MALRD1: variants seen among roughly 807,000 people sequenced by gnomAD.
MALRD1 encodes the protein MAM and LDL-receptor class A domain-containing protein 1.
Under a neutral mutation model 242.1 loss-of-function variants are expected in MALRD1, and 247 were observed. The ratio of observed to expected loss-of-function variants is 1.02; its 90% CI spans 0.92 to 1.13. MALRD1 has a LOEUF of 1.13. MALRD1 is among the 50% of genes most tolerant of loss of function. The pLI, the probability that MALRD1 is intolerant of heterozygous loss-of-function variation, is 0.00. For missense variants in MALRD1, 2,989 were observed against 2,533.1 expected (o/e 1.18, Z -3.86); for synonymous variants, 995 against 866.6 (o/e 1.15, Z -2.60).
chr10:19,272,939 C>A (rs1273604464), intron 19 of MALRD1, among the ~76,000 whole-genome samples: 1 of 152,130 alleles, frequency 6.6e-6, no homozygotes, highest in African/African-American at 2.4e-5. Context: ...CATTGATGGA[C>A]ATTTGGGTTG....
At chr10:19,393,432 G>A (rs956923916) in intron 28 of MALRD1, among the ~76,000 whole-genome samples, 1 of 144,640 alleles carries the variant, frequency 6.9e-6, no homozygotes, top group African/African-American at 2.6e-5. Context: ...CTTGTTTCCT[G>A]ATGAGGTTAA....
intron 28 of MALRD1, among the ~76,000 whole-genome samples, chr10:19,424,432 T>C (rs1441270869): frequency 6.6e-6 from 1 of 152,208 alleles, no homozygotes; most frequent in African/African-American, 2.4e-5. Context: ...AGTTCTGGGA[T>C]CACAGGCATG....
intron 24 of MALRD1, among the ~76,000 whole-genome samples, chr10:19,344,502 C>G (rs1381844167): frequency 1.3e-5 from 2 of 152,058 alleles, no homozygotes; most frequent in East Asian, 3.9e-4. Context: ...TTCTATTGAT[C>G]TAGGTATCTA....
intron 28 of MALRD1, among the ~76,000 whole-genome samples, chr10:19,396,580 A>G (rs1846590083): frequency 6.6e-6 from 1 of 152,240 alleles, no homozygotes; most frequent in African/African-American, 2.4e-5. Flanking sequence ...ATGTTGAATA[A>G]TCAGGATTAA....
chr10:19,453,264 C>T (rs1340547923), intron 29 of MALRD1, among the ~76,000 whole-genome samples: 2 of 152,082 alleles, frequency 1.3e-5, no homozygotes, highest in African/African-American at 4.8e-5. Flanking sequence ...GATCATAAAA[C>T]ATCCCCACAT....
chr10:19,251,377 G>T (rs1177356972), intron 18 of MALRD1, among the ~76,000 whole-genome samples: 1 of 151,898 alleles, frequency 6.6e-6, no homozygotes. Flanking sequence ...TCTTTCTCTG[G>T]AGGGGAGAAT....
chr10:19,688,209 G>A (rs1413442784), intron 36 of MALRD1, among the ~76,000 whole-genome samples: 1 of 152,120 alleles, frequency 6.6e-6, no homozygotes, highest in Non-Finnish European at 1.5e-5. Flanking sequence ...GATCTCAGAC[G>A]ATGTGCCCGC....
chr10:19,088,536 C>CT lies in MALRD1; in HGVS notation c.597+367dup, dbSNP rs748953378. ...TACTGCTCCAACTTCCTCTTTCTTT[C>CT]TTTTTTTTTTTTTTTTATTTTATAA... On this transcript the variant is annotated intron_variant, in intron 4 of 39. Transcript: ENST00000454679. 5.6e-3 allele frequency among the ~76,000 whole-genome samples: 616 copies of CT among 110,012 alleles called. 12 individuals are homozygous for CT. Among genetic ancestry groups the CT allele is most frequent in the African/African-American group, 0.018 (516 of 29,238 alleles). The allele number at this position is 110,012 out of a possible 152,430, so 72.2% of individuals were successfully genotyped here.
intron 35 of MALRD1, among the ~76,000 whole-genome samples, chr10:19,611,317 T>G (rs943599946): frequency 2.6e-5 from 4 of 151,968 alleles, no homozygotes; most frequent in Non-Finnish European, 5.9e-5. Flanking sequence ...ATATAGCACC[T>G]GTCACTTCCC....
At chr10:19,387,483 G>T in intron 26 of MALRD1, 45 bp from the exon 27 acceptor site, 2 of 1,533,802 alleles carry the variant, frequency 1.3e-6, no homozygotes, top group Non-Finnish European at 1.8e-6. Flanking sequence ...CACTGAATGT[G>T]TTAGGAGTGT....
At chr10:19,224,707 T>A (rs1039276572) in intron 18 of MALRD1, among the ~76,000 whole-genome samples, 3 of 152,202 alleles carry the variant, frequency 2.0e-5, no homozygotes, top group African/African-American at 7.2e-5. Context: ...GTAAATTTGT[T>A]TAAGTTCCTT....
chr10:19,193,770 C>T (rs949379308), intron 14 of MALRD1, among the ~76,000 whole-genome samples: 1 of 151,622 alleles, frequency 6.6e-6, no homozygotes, highest in Non-Finnish European at 1.5e-5. Flanking sequence ...TATTTTGGCT[C>T]TTTAGGTAAT....
intron 5 of MALRD1, among the ~76,000 whole-genome samples, chr10:19,113,830 C>CAGACACACACACACACACACACACAG (rs1836776061): frequency 6.9e-6 from 1 of 144,582 alleles, no homozygotes; most frequent in East Asian, 2.0e-4. Context: ...CACACACACA[C>CAGACACACACACACACACACACACAG]AGACACACAC....
chr10:19,447,795 A>G (rs1429575748), intron 28 of MALRD1, among the ~76,000 whole-genome samples: 1 of 152,188 alleles, frequency 6.6e-6, no homozygotes. Flanking sequence ...TCAAATCACT[A>G]AGACATCACT....
At chr10:19,705,906 C>G (rs887775144) in intron 38 of MALRD1, among the ~76,000 whole-genome samples, 3 of 151,284 alleles carry the variant, frequency 2.0e-5, no homozygotes, top group Admixed American at 6.6e-5. Context: ...TACCCCTTAC[C>G]CTTTTTCCAG....
chr10:19,227,940 G>T (rs566037275), intron 18 of MALRD1, among the ~76,000 whole-genome samples: 44 of 152,282 alleles, frequency 2.9e-4, no homozygotes, highest in African/African-American at 1.1e-3. Flanking sequence ...CACTGGAGTG[G>T]CTGACACGGG....
At chr10:19,643,620 C>T (rs1840506749) in intron 36 of MALRD1, among the ~76,000 whole-genome samples, 3 of 152,048 alleles carry the variant, frequency 2.0e-5, no homozygotes, top group Non-Finnish European at 4.4e-5. Context: ...ACTTGAGCCC[C>T]CATACTACTC....
chr10:19,514,428 G>GA (rs1253916203), intron 31 of MALRD1, among the ~76,000 whole-genome samples: 3 of 151,936 alleles, frequency 2.0e-5, no homozygotes, highest in Admixed American at 6.6e-5. Context: ...TCAAGAGAAA[G>GA]AAAAAAATTC....
chr10:19,577,281 C>A (rs936833475), intron 33 of MALRD1, among the ~76,000 whole-genome samples: 5 of 152,012 alleles, frequency 3.3e-5, no homozygotes, highest in East Asian at 1.9e-4. Flanking sequence ...GATTTTAAAT[C>A]TATTATTGTG....
Sources: gnomAD v4.1 joint callset for allele counts (sites outside exome capture counted in the v4.1 genomes callset) on GRCh38, gnomAD v4.1.1 for gene constraint, MANE v1.5 for transcripts, NCBI Gene and HGNC (gene_info 2026-07-23, HGNC 2026-07-21) for gene names.